Variants in PRSS23 observed in about 807,000 individuals in gnomAD.
The protein encoded by PRSS23 is protease, serine 23.
In PRSS23, 25 loss-of-function variants were observed where a neutral mutation model predicts 34.7. The ratio of observed to expected loss-of-function variants is 0.72; its 90% CI spans 0.53 to 1.01. PRSS23 has a LOEUF of 1.01. Among genes scored for constraint, PRSS23 ranks in the 50% least tolerant of loss-of-function variants. The probability of loss-of-function intolerance (pLI) is 0.00; values close to 1 mark genes in which losing one functional copy is unlikely to be tolerated. For missense variants in PRSS23, 445 were observed against 475.6 expected (o/e 0.94, Z 0.60); for synonymous variants, 176 against 186.6 (o/e 0.94, Z 0.46).
chr11:86,834,553 TTTTCCTTTCC>T (rs71274421), intron 2 of PRSS23, among the ~76,000 whole-genome samples: 22,008 of 77,194 alleles, frequency 0.29, 3,966 homozygotes, highest in Non-Finnish European at 0.31. Context: ...TTCCTTTCCT[TTTTCCTTTCC>T]TTTCCTTTCC....
intron 2 of PRSS23, among the ~76,000 whole-genome samples, chr11:86,881,622 A>G (rs1270004957): frequency 6.6e-6 from 1 of 152,206 alleles, no homozygotes; most frequent in African/African-American, 2.4e-5. Context: ...TTAGCCTCAT[A>G]GAAAGTGTTC....
chr11:86,868,993 T>A (rs1377560253), intron 2 of PRSS23, among the ~76,000 whole-genome samples: 1 of 152,082 alleles, frequency 6.6e-6, no homozygotes, highest in Non-Finnish European at 1.5e-5. Context: ...TTGTATTTTT[T>A]GTAGAGATAG....
intron 2 of PRSS23, among the ~76,000 whole-genome samples, chr11:86,944,229 TCTC>T (rs1949225440): frequency 6.6e-6 from 1 of 151,680 alleles, no homozygotes; most frequent in South Asian, 2.1e-4. Context: ...CCCATGGCAT[TCTC>T]CTCTCTGTGT....
At chr11:86,853,656 A>G (rs1479922931) in intron 2 of PRSS23, among the ~76,000 whole-genome samples, 1 of 152,092 alleles carries the variant, frequency 6.6e-6, no homozygotes, top group Non-Finnish European at 1.5e-5. Flanking sequence ...TTGCTTCCAC[A>G]TTTTTGCTGT....
At chr11:86,951,934 A>C in exon 3 of PRSS23, 1 of 1,613,970 alleles carries the variant, frequency 6.2e-7, no homozygotes, top group African/African-American at 1.3e-5. Flanking sequence ...CCCGGCCTAC[A>C]GTCAGCCTGA....
Position 86,808,872 on chromosome 11 carries a change from T to A in PRSS23, c.*77T>A. The A allele has an allele frequency of 8.0e-7, 1 of 1,244,058 alleles. No homozygotes were observed. The allele number at this position is 1,244,058 out of a possible 1,614,324, so 77.1% of individuals were successfully genotyped here. The stretch of plus-strand genomic sequence containing the variant: ...GAGAGGCCAAATTGTTTTTTGTCAT[T>A]GGCGTGCACACGTGTGTGTGTGTGT... On this transcript the variant is annotated 3_prime_UTR_variant, in exon 2 of 2. Coordinates refer to ENST00000280258, the MANE Select transcript of PRSS23 (RefSeq NM_007173.6).
chr11:86,900,311 C>T (rs1948902858), intron 2 of PRSS23, among the ~76,000 whole-genome samples: 1 of 152,190 alleles, frequency 6.6e-6, no homozygotes, highest in Admixed American at 6.5e-5. Flanking sequence ...TACAGGGAGG[C>T]AGGAGGAGGA....
chr11:86,804,807 T>C (rs1176583836), intron 1 of PRSS23, among the ~76,000 whole-genome samples: 1 of 152,178 alleles, frequency 6.6e-6, no homozygotes, highest in African/African-American at 2.4e-5. Flanking sequence ...TATTGAGAGG[T>C]TGGAGTAAGG....
chr11:86,925,449 A>G (rs141936124), intron 2 of PRSS23, among the ~76,000 whole-genome samples: 2,774 of 152,244 alleles, frequency 0.018, 40 homozygotes, highest in Middle Eastern at 0.051. Context: ...AAATATGCCA[A>G]CCTTAATAGT....
intron 2 of PRSS23, among the ~76,000 whole-genome samples, chr11:86,928,324 T>C (rs1949096370): frequency 6.7e-6 from 1 of 148,296 alleles, no homozygotes; most frequent in Non-Finnish European, 1.5e-5. Flanking sequence ...ATAATACATA[T>C]GTTTAATATT....
chr11:86,880,497 TTTTAAC>T (rs1222613347), intron 2 of PRSS23, among the ~76,000 whole-genome samples: 1 of 152,246 alleles, frequency 6.6e-6, no homozygotes, highest in Non-Finnish European at 1.5e-5. Context: ...CTTGACTTTT[TTTTAAC>T]TTTAAGTTCC....
At position 86,808,637 on chromosome 11, in the gene PRSS23, T is replaced by C. The variant is rs1948138423; in HGVS notation, c.994T>C (p.Trp332Arg). The C allele has an allele frequency of 6.2e-7, 1 of 1,613,942 alleles. No individual in the cohort carries two copies. The highest frequency in any genetic ancestry group is 8.5e-7 in the Non-Finnish European group (1 of 1,180,040). Residue 332 changes from tryptophan (W) to arginine (R), a missense_variant, in exon 2 of 2, where the codon TGG becomes CGG. By Grantham distance (101) the Trp-to-Arg change is moderately radical (BLOSUM62 -3). Coordinates refer to ENST00000280258, the MANE Select transcript of PRSS23 (RefSeq NM_007173.6). ...VRMWKRQQQKWERKIIGIFSG... is the reference protein window; with the variant it reads ...VRMWKRQQQKRERKIIGIFSG... ...GATGTGGAAGAGACAGCAGCAGAAG[T>C]GGGAGCGAAAAATTATTGGCATTTT...
intron 2 of PRSS23, among the ~76,000 whole-genome samples, chr11:86,895,492 T>TC (rs1463061366): frequency 2.2e-4 from 32 of 144,894 alleles, no homozygotes; most frequent in African/African-American, 7.9e-4. Context: ...TTTTTTTTTT[T>TC]TTTTTTTGAG....
intron 2 of PRSS23, among the ~76,000 whole-genome samples, chr11:86,905,147 G>A (rs575870649): frequency 4.6e-5 from 7 of 152,336 alleles, no homozygotes; most frequent in Admixed American, 2.6e-4. Context: ...ATGTCATACC[G>A]AAATGATCCA....
At chr11:86,899,424 C>T (rs574747144) in intron 2 of PRSS23, among the ~76,000 whole-genome samples, 151 of 152,014 alleles carry the variant, frequency 9.9e-4, no homozygotes, top group South Asian at 4.2e-3. Context: ...GGGGCAGAGG[C>T]GAGAGGATCA....
intron 2 of PRSS23, among the ~76,000 whole-genome samples, chr11:86,930,530 G>A (rs1949117029): frequency 6.6e-6 from 1 of 152,134 alleles, no homozygotes; most frequent in Admixed American, 6.5e-5. Flanking sequence ...GGCGGCTCAC[G>A]TCTGTAATCC....
intron 2 of PRSS23, among the ~76,000 whole-genome samples, chr11:86,878,233 C>CCTACCTCTCCCTCATCTCCGT (rs1948738911): frequency 1.2e-5 from 1 of 84,796 alleles, no homozygotes; most frequent in Admixed American, 1.3e-4. Context: ...TACCCCTCCC[C>CCTACCTCTCCCTCATCTCCGT]CTCCCTCTCC....
chr11:86,826,771 T>C (rs1345899578), intron 2 of PRSS23, among the ~76,000 whole-genome samples: 1 of 152,202 alleles, frequency 6.6e-6, no homozygotes, highest in African/African-American at 2.4e-5. Context: ...TTGTCTTTGG[T>C]TCTGTTTATA....
intron 2 of PRSS23, among the ~76,000 whole-genome samples, chr11:86,861,913 C>T (rs533661440): frequency 1.3e-5 from 2 of 151,212 alleles, no homozygotes; most frequent in Non-Finnish European, 3.0e-5. Context: ...TAATATCCAG[C>T]GTGGAGAGGA....
Sources: gnomAD v4.1 joint callset for allele counts (sites outside exome capture counted in the v4.1 genomes callset) on GRCh38, gnomAD v4.1.1 for gene constraint, MANE v1.5 for transcripts, NCBI Gene and HGNC (gene_info 2026-07-23, HGNC 2026-07-21) for gene names.